The following ZNF592 variants were observed in gnomAD, a reference collection of about 807,000 sequenced individuals.
The protein encoded by ZNF592 is zinc finger protein 592.
In ZNF592, 11 loss-of-function variants were observed where a neutral mutation model predicts 80.3. That is an observed-to-expected ratio of 0.14 (90% CI 0.09 to 0.23). The LOEUF (loss-of-function observed/expected upper bound fraction) is 0.23, where lower values mean the gene tolerates loss of function less well. Among genes scored for constraint, ZNF592 ranks in the 10% least tolerant of loss-of-function variants. The pLI, the probability that ZNF592 is intolerant of heterozygous loss-of-function variation, is 1.00. For synonymous variants in ZNF592, 646 were observed against 640.3 expected, an observed-to-expected ratio of 1.01 and a Z score of -0.13; for missense variants, 1,420 against 1,633.9, an observed-to-expected ratio of 0.87 and a Z score of 2.26.
chr15:84,801,546 A>G (rs1238537609), intron 10 of ZNF592, among the ~76,000 whole-genome samples: 2 of 152,184 alleles, frequency 1.3e-5, no homozygotes, highest in Non-Finnish European at 2.9e-5. Context: ...TTTGTAAAAG[A>G]CAATAGTTTT....
intron 2 of ZNF592, among the ~76,000 whole-genome samples, chr15:84,777,857 G>A (rs1596119517): frequency 1.3e-5 from 2 of 151,668 alleles, no homozygotes; most frequent in African/African-American, 2.4e-5. Context: ...CCACCACCAC[G>A]CCCGGCTAAT....
intron 1 of ZNF592, among the ~76,000 whole-genome samples, chr15:84,755,721 A>T (rs67759205): frequency 0.066 from 9,983 of 152,280 alleles, 410 homozygotes; most frequent in African/African-American, 0.095. Flanking sequence ...TTCATTTTGG[A>T]GACAAACATT....
intron 2 of ZNF592, among the ~76,000 whole-genome samples, chr15:84,774,951 T>G (rs1343144412): frequency 6.6e-6 from 1 of 151,878 alleles, no homozygotes; most frequent in African/African-American, 2.4e-5. Flanking sequence ...CAGCTAGTTT[T>G]TGTATTTTTA....
intron 1 of ZNF592, among the ~76,000 whole-genome samples, chr15:84,754,831 G>A (rs1280753086): frequency 6.6e-6 from 1 of 152,088 alleles, no homozygotes; most frequent in African/African-American, 2.4e-5. Flanking sequence ...TGTGTTGAGT[G>A]AAGAAAAGGA....
At chr15:84,796,242 A>ATATATATATATATATATATATATTT (rs1435624171) in intron 5 of ZNF592, among the ~76,000 whole-genome samples, 1 of 21,454 alleles carries the variant, frequency 4.7e-5, no homozygotes, top group Non-Finnish European at 8.0e-5. Flanking sequence ...AAAAAAAAAT[A>ATATATATATATATATATATATATTT]TATATATATA....
At position 84,782,946 on chromosome 15, in the gene ZNF592, C is replaced by T; in HGVS notation, c.271C>T (p.Leu91=). ...GAAAGACCACATTACTCCCAGTCTCCTACACAATGGATTCCGGGGCTCAGA... is the reference window on the plus strand; with the variant it reads ...GAAAGACCACATTACTCCCAGTCTCTTACACAATGGATTCCGGGGCTCAGA... ...AEKDHITPSL[L]HNGFRGSDLP... is the part of the protein sequence containing the mutation. Residue 91 remains leucine (L), a synonymous_variant, in exon 4 of 11, where the codon CTA becomes TTA. Coordinates refer to ENST00000560079, the MANE Select transcript of ZNF592 (RefSeq NM_014630.3). The T allele has an allele frequency of 1.2e-6, 2 of 1,614,190 alleles. No individual in the cohort carries two copies. The highest frequency in any genetic ancestry group is 4.5e-5 in the East Asian group (2 of 44,882).
intron 1 of ZNF592, among the ~76,000 whole-genome samples, chr15:84,760,201 C>A (rs931853895): frequency 2.6e-5 from 4 of 152,104 alleles, no homozygotes; most frequent in Admixed American, 6.5e-5. Context: ...TCCAAATCCT[C>A]CTGTACTCTT....
intron 2 of ZNF592, among the ~76,000 whole-genome samples, chr15:84,767,155 C>T (rs1348492702): frequency 2.6e-5 from 4 of 152,036 alleles, no homozygotes; most frequent in Admixed American, 1.3e-4. Context: ...CCACCACACC[C>T]GGTTAATTTT....
chr15:84,765,928 A>G (rs545977347), intron 2 of ZNF592, among the ~76,000 whole-genome samples: 2 of 152,142 alleles, frequency 1.3e-5, no homozygotes, highest in East Asian at 3.9e-4. Flanking sequence ...TTGTGTTGAA[A>G]TGTACACATA....
At chr15:84,791,523 A>G (rs937242188) in intron 5 of ZNF592, among the ~76,000 whole-genome samples, 4 of 152,300 alleles carry the variant, frequency 2.6e-5, no homozygotes, top group Non-Finnish European at 1.5e-5. Flanking sequence ...ATTGATCTGT[A>G]AGTTGTTTTC....
At chr15:84,777,694 C>CTTTTTTTT (rs397854471) in intron 2 of ZNF592, among the ~76,000 whole-genome samples, 2 of 98,412 alleles carry the variant, frequency 2.0e-5, no homozygotes, top group African/African-American at 7.6e-5. Context: ...TGTTGAGATA[C>CTTTTTTTT]TTTTTTTTTT....
In ZNF592 at chr15:84,777,800, C is replaced by T. The variant is rs1201553553; in HGVS notation, c.-149-383C>T. On this transcript the variant is annotated intron_variant, in intron 2 of 10. Transcript: ENST00000560079. Reference sequence around the variant, plus strand: ...CTGCACGCTCCGCCTCCCGGGTTTACGCCATTCCCCTGCTTCAGCCTCCCG... The same window carrying T: ...CTGCACGCTCCGCCTCCCGGGTTTATGCCATTCCCCTGCTTCAGCCTCCCG... Among the ~76,000 whole-genome samples the T allele has an allele frequency of 1.4e-5, 2 of 147,878 alleles. 1 individual carries two copies. The highest frequency in any genetic ancestry group is 3.0e-5 in the Non-Finnish European group (2 of 67,466).
At position 84,783,328 on chromosome 15, in the gene ZNF592, A is replaced by T; in HGVS notation, c.653A>T (p.His218Leu). 3.1e-6 allele frequency: 5 copies of T among 1,614,270 alleles called. No homozygotes were observed. The highest frequency in any genetic ancestry group is 4.2e-6 in the Non-Finnish European group (5 of 1,180,052). Residue 218 changes from histidine (H) to leucine (L), a missense_variant, in exon 4 of 11, where the codon CAC (histidine) becomes CTC (leucine). Coordinates refer to ENST00000560079, the MANE Select transcript of ZNF592 (RefSeq NM_014630.3). The surrounding 1 kb of genome is among the most constrained non-coding windows in gnomAD (Gnocchi z 5.0). ...CTGCCCTTGGGGAGCCAGCAGGAACACGAGCAAAGTGGGCAGAACACAGTG... is the reference window on the plus strand; with the variant it reads ...CTGCCCTTGGGGAGCCAGCAGGAACTCGAGCAAAGTGGGCAGAACACAGTG... Reference protein sequence around the residue: ...EPLPLGSQQEHEQSGQNTVEP... With the variant: ...EPLPLGSQQELEQSGQNTVEP...
chr15:84,773,234 C>T (rs12914760), intron 2 of ZNF592, among the ~76,000 whole-genome samples: 28,000 of 137,962 alleles, frequency 0.2, 3,526 homozygotes, highest in Middle Eastern at 0.41. Flanking sequence ...TTTTTTGAGA[C>T]GGAGTCTCGC....
At chr15:84,767,774 T>C (rs921337010) in intron 2 of ZNF592, among the ~76,000 whole-genome samples, 2 of 152,172 alleles carry the variant, frequency 1.3e-5, no homozygotes, top group African/African-American at 4.8e-5. Flanking sequence ...TATTGAGATA[T>C]AATTCACATG....
chr15:84,785,865 TAAA>T (rs35020131), intron 4 of ZNF592, among the ~76,000 whole-genome samples: 6 of 140,290 alleles, frequency 4.3e-5, no homozygotes, highest in Admixed American at 1.4e-4. Context: ...GAGATTCATT[TAAA>T]AAAAAAAAAA....
chr15:84,750,700 C>T (rs1051789091), intron 1 of ZNF592, among the ~76,000 whole-genome samples: 6 of 152,028 alleles, frequency 3.9e-5, no homozygotes, highest in African/African-American at 1.5e-4. Flanking sequence ...GAGTTGGGGG[C>T]TCAGGGAAGC....
intron 4 of ZNF592, among the ~76,000 whole-genome samples, chr15:84,789,784 C>CCTCTAGTCA (rs1291432335): frequency 2.0e-5 from 3 of 152,282 alleles, no homozygotes; most frequent in Non-Finnish European, 2.9e-5. Flanking sequence ...CTTCTATATC[C>CCTCTAGTCA]CTCTAGTCAG....
intron 3 of ZNF592, 132 bp from the exon 4 acceptor site, chr15:84,782,525 G>A: frequency 1.1e-6 from 1 of 877,748 alleles, no homozygotes; most frequent in South Asian, 1.4e-5. Flanking sequence ...GAGGTGTGTG[G>A]CTTCCTGTCA....
Sources: allele counts gnomAD v4.1 joint callset (sites outside exome capture counted in the v4.1 genomes callset), GRCh38; gene constraint gnomAD v4.1.1; non-coding constraint Gnocchi (gnomAD v3.1); transcripts MANE v1.5; gene names NCBI Gene and HGNC (gene_info 2026-07-23, HGNC 2026-07-21).